Variants in TSHZ2 observed in about 807,000 individuals in gnomAD.
The protein encoded by TSHZ2 is teashirt homolog 2.
Under a neutral mutation model 74.4 loss-of-function variants are expected in TSHZ2, and 21 were observed. The observed-to-expected ratio is 0.28, with a 90% CI of 0.20 to 0.41. The LOEUF is 0.41. TSHZ2 is among the 10% of genes least tolerant of loss of function. The probability of loss-of-function intolerance (pLI) is 1.00; values close to 1 mark genes in which losing one functional copy is unlikely to be tolerated. For synonymous variants in TSHZ2, 540 were observed against 515.3 expected (o/e 1.05, Z -0.65); for missense variants, 1,244 against 1,293.5 (o/e 0.96, Z 0.59).
At chr20:53,109,780 A>C (rs1013189271) in intron 1 of TSHZ2, among the ~76,000 whole-genome samples, 1 of 152,164 alleles carries the variant, frequency 6.6e-6, no homozygotes, top group Admixed American at 6.5e-5. Context: ...CTACTTTGTA[A>C]GAATTGGAGT....
At chr20:53,287,738 C>T (rs773808430) in intron 2 of TSHZ2, among the ~76,000 whole-genome samples, 8 of 152,226 alleles carry the variant, frequency 5.3e-5, no homozygotes, top group Non-Finnish European at 1.2e-4. Flanking sequence ...TGGTTAATAT[C>T]ACCTTGAAAA....
intron 1 of TSHZ2, among the ~76,000 whole-genome samples, chr20:53,229,233 C>T (rs1395853746): frequency 6.6e-6 from 1 of 152,036 alleles, no homozygotes; most frequent in Non-Finnish European, 1.5e-5. Flanking sequence ...ATTTTTTCTT[C>T]CAATAGCCCC....
At chr20:53,349,460 T>G (rs1980560823) in intron 2 of TSHZ2, among the ~76,000 whole-genome samples, 1 of 152,152 alleles carries the variant, frequency 6.6e-6, no homozygotes, top group Admixed American at 6.5e-5. Flanking sequence ...TAGACCAGCC[T>G]GGGTGACACG....
intron 2 of TSHZ2, among the ~76,000 whole-genome samples, chr20:53,331,953 G>T (rs1416019138): frequency 6.6e-6 from 1 of 152,152 alleles, no homozygotes. Context: ...GAACAAGCTT[G>T]AGGGAAGTGT....
chr20:53,385,392 C>T (rs1982007702), intron 2 of TSHZ2, among the ~76,000 whole-genome samples: 1 of 152,038 alleles, frequency 6.6e-6, no homozygotes, highest in Non-Finnish European at 1.5e-5. Context: ...ATTTGCACCC[C>T]CACAGAAAGA....
At chr20:53,262,520 T>C (rs2123741707) in intron 2 of TSHZ2, among the ~76,000 whole-genome samples, 1 of 152,362 alleles carries the variant, frequency 6.6e-6, no homozygotes, top group East Asian at 1.9e-4. Flanking sequence ...TAGCCTCGGC[T>C]CTAAGACGAG....
At chr20:53,286,926 C>CACACACACGT (rs1555846268) in intron 2 of TSHZ2, among the ~76,000 whole-genome samples, 1 of 147,298 alleles carries the variant, frequency 6.8e-6, no homozygotes, top group African/African-American at 2.5e-5. Context: ...CACACACACA[C>CACACACACGT]GTAACACTTC....
chr20:53,054,424 A>T (rs1984574352), intron 1 of TSHZ2, among the ~76,000 whole-genome samples: 2 of 152,264 alleles, frequency 1.3e-5, no homozygotes, highest in African/African-American at 4.8e-5. Flanking sequence ...TTATTCTAAG[A>T]CTAAAGTAAG....
At chr20:53,459,248 G>A (rs2145806600) in intron 2 of TSHZ2, among the ~76,000 whole-genome samples, 1 of 152,236 alleles carries the variant, frequency 6.6e-6, no homozygotes, top group South Asian at 2.1e-4. Context: ...CTCCTGTATT[G>A]GGTGCATATA....
chr20:52,983,226 G>A (rs905971174), intron 1 of TSHZ2, among the ~76,000 whole-genome samples: 12 of 152,248 alleles, frequency 7.9e-5, no homozygotes, highest in South Asian at 4.2e-4. Context: ...GCACCTCAGC[G>A]TTTTCATCTG....
At chr20:53,353,909 C>T (rs755000953) in intron 2 of TSHZ2, among the ~76,000 whole-genome samples, 14 of 152,110 alleles carry the variant, frequency 9.2e-5, no homozygotes, top group Non-Finnish European at 1.5e-4. Flanking sequence ...TTTCTATTTG[C>T]CCAGGACTGA....
chr20:53,220,695 G>A (rs566561135), intron 1 of TSHZ2, among the ~76,000 whole-genome samples: 35 of 152,166 alleles, frequency 2.3e-4, no homozygotes, highest in African/African-American at 6.0e-4. Flanking sequence ...GACTGCTCCC[G>A]GATGTGAGGG....
chr20:53,167,722 T>C (rs527348107), intron 1 of TSHZ2, among the ~76,000 whole-genome samples: 2 of 152,308 alleles, frequency 1.3e-5, no homozygotes, highest in East Asian at 3.9e-4. Flanking sequence ...TGTGTTTGAA[T>C]GAGAGGTGCA....
chr20:53,243,637 C>T (rs1990123398), intron 1 of TSHZ2, among the ~76,000 whole-genome samples: 1 of 152,128 alleles, frequency 6.6e-6, no homozygotes, highest in African/African-American at 2.4e-5. Flanking sequence ...GATACCAAGG[C>T]CAGGAAGCCC....
At chr20:53,485,941 G>A (rs1337977807) in intron 2 of TSHZ2, among the ~76,000 whole-genome samples, 1 of 152,104 alleles carries the variant, frequency 6.6e-6, no homozygotes, top group Non-Finnish European at 1.5e-5. Context: ...GAGTGGCTTT[G>A]AGTACATTCA....
intron 2 of TSHZ2, among the ~76,000 whole-genome samples, chr20:53,308,554 G>A (rs920761898): frequency 2.0e-5 from 3 of 152,270 alleles, no homozygotes; most frequent in East Asian, 1.9e-4. Context: ...TCGAATGCAC[G>A]TTGAGCTGCC....
At chr20:53,205,108 CT>C (rs1989134566) in intron 1 of TSHZ2, among the ~76,000 whole-genome samples, 1 of 151,018 alleles carries the variant, frequency 6.6e-6, no homozygotes, top group South Asian at 2.1e-4. Flanking sequence ...AAAAAAAAAC[CT>C]AAGAAACTTG....
intron 2 of TSHZ2, among the ~76,000 whole-genome samples, chr20:53,437,390 T>C (rs2145747265): frequency 6.6e-6 from 1 of 152,184 alleles, no homozygotes; most frequent in Middle Eastern, 3.4e-3. Flanking sequence ...GGAGAATTGC[T>C]TGAACCCGGG....
rs11394425 is a variant in TSHZ2 at position 53,487,272 on chromosome 20, C to CAAAAAAAAAAAAAAAAAAAAAAA, written c.*158_*159insAAAAAAAAAAAAAAAAAAAAAAA. On this transcript the variant is annotated 3_prime_UTR_variant, in exon 3 of 3. Coordinates refer to ENST00000371497, the MANE Select transcript of TSHZ2 (RefSeq NM_173485.6). ...GACACCCTGGCTCTGAGAAGACTGC[C>CAAAAAAAAAAAAAAAAAAAAAAA]AAAAAAAAAAAAAAAAAAAAATCAC... 8.9e-6 allele frequency: 1 copy of CAAAAAAAAAAAAAAAAAAAAAAA among 112,092 alleles called. No individual in the cohort carries two copies. Among genetic ancestry groups the CAAAAAAAAAAAAAAAAAAAAAAA allele is most frequent in the Non-Finnish European group, 1.8e-5 (1 of 54,690 alleles). 6.9% of individuals were successfully genotyped at this position (112,092 alleles called of 1,614,324 possible). A position where few individuals can be genotyped will look rare whatever the true frequency, so the allele number is the denominator to read the frequency against.
Sources: allele counts gnomAD v4.1 joint callset (sites outside exome capture counted in the v4.1 genomes callset), GRCh38; gene constraint gnomAD v4.1.1; transcripts MANE v1.5; gene names NCBI Gene and HGNC (gene_info 2026-07-23, HGNC 2026-07-21).